HYCC1: variants seen among roughly 807,000 people sequenced by gnomAD.
The protein encoded by HYCC1 is hyccin PI4KA lipid kinase complex subunit 1, also known as hyccin.
chr7:22,958,427 A>G, the HYCC1 span, among the ~76,000 whole-genome samples: 1 of 152,124 alleles, frequency 6.6e-6, no homozygotes, highest in African/African-American at 2.4e-5. Flanking sequence ...TCACTTCTAT[A>G]TTCTCATCTG....
chr7:22,952,755 C>G, the HYCC1 span, among the ~76,000 whole-genome samples: 4 of 151,902 alleles, frequency 2.6e-5, no homozygotes, highest in African/African-American at 9.7e-5. Flanking sequence ...TGTGGCAATG[C>G]TTAACCTGGG....
chr7:22,977,312 TA>T, the HYCC1 span: 1 of 1,368,966 alleles, frequency 7.3e-7, no homozygotes, highest in Non-Finnish European at 1.0e-6. Flanking sequence ...TTAGGGTCAA[TA>T]AACTTACTGT....
At chr7:22,941,906 T>C in the HYCC1 span, 1 of 152,174 alleles carries the variant, frequency 6.6e-6, no homozygotes, top group African/African-American at 2.4e-5. Context: ...CTATCTACAA[T>C]GCTTAAAGTA....
chr7:22,977,465 C>G, the HYCC1 span: 1 of 1,135,758 alleles, frequency 8.8e-7, no homozygotes, highest in South Asian at 1.3e-5. Context: ...TACTTTCTTA[C>G]ACACAAATTT....
At chr7:22,900,512 G>A in the HYCC1 span, among the ~76,000 whole-genome samples, 1 of 152,192 alleles carries the variant, frequency 6.6e-6, no homozygotes, top group Non-Finnish European at 1.5e-5. Flanking sequence ...ACAGATATCT[G>A]CTAGGTAAGC....
the HYCC1 span, among the ~76,000 whole-genome samples, chr7:22,922,925 G>A: frequency 2.0e-5 from 3 of 152,226 alleles, no homozygotes; most frequent in Non-Finnish European, 4.4e-5. Flanking sequence ...AGTAAAAAAT[G>A]AGAATTGAAA....
chr7:22,946,249 T>A, the HYCC1 span: 3 of 1,036,372 alleles, frequency 2.9e-6, no homozygotes, highest in Non-Finnish European at 2.9e-6. Flanking sequence ...AGTTATGCTT[T>A]ACATAAATTA....
the HYCC1 span, among the ~76,000 whole-genome samples, chr7:22,992,680 G>A: frequency 1.3e-5 from 2 of 151,860 alleles, no homozygotes; most frequent in African/African-American, 2.4e-5. Context: ...ATGTTGTTAT[G>A]TATATTTGTA....
the HYCC1 span, among the ~76,000 whole-genome samples, chr7:22,967,887 T>C: frequency 4.6e-5 from 7 of 152,266 alleles, no homozygotes; most frequent in South Asian, 8.3e-4. Context: ...ATATGTTGAT[T>C]TTTAGGTACC....
chr7:22,975,474 T>C, the HYCC1 span, among the ~76,000 whole-genome samples: 2 of 152,218 alleles, frequency 1.3e-5, no homozygotes, highest in African/African-American at 4.8e-5. Context: ...TGGCTCAATT[T>C]ATTTTTAACA....
At chr7:22,945,269 CAT>C in the HYCC1 span, 2 of 393,116 alleles carry the variant, frequency 5.1e-6, no homozygotes, top group South Asian at 5.2e-5. Flanking sequence ...TACAACCTCA[CAT>C]GAGACATAAC....
At chr7:22,924,645 G>A in the HYCC1 span, among the ~76,000 whole-genome samples, 16 of 152,338 alleles carry the variant, frequency 1.1e-4, no homozygotes, top group African/African-American at 2.2e-4. Flanking sequence ...AGGGGCACCC[G>A]CCATTGCTCA....
At chr7:22,974,864 A>G in the HYCC1 span, among the ~76,000 whole-genome samples, 3 of 152,174 alleles carry the variant, frequency 2.0e-5, no homozygotes, top group Non-Finnish European at 4.4e-5. Context: ...ACAATAGTGA[A>G]TAAGTCTCAT....
chr7:23,008,115 C>T, the HYCC1 span, among the ~76,000 whole-genome samples: 1 of 152,154 alleles, frequency 6.6e-6, no homozygotes, highest in Middle Eastern at 3.4e-3. Flanking sequence ...AAGACAAAAT[C>T]ATTCACGCGC....
At chr7:23,005,388 T>C in the HYCC1 span, among the ~76,000 whole-genome samples, 1 of 152,194 alleles carries the variant, frequency 6.6e-6, no homozygotes, top group Non-Finnish European at 1.5e-5. Flanking sequence ...AGGTACTCAA[T>C]GAATGATACC....
chr7:22,984,556 CA>C, the HYCC1 span, among the ~76,000 whole-genome samples: 55 of 151,904 alleles, frequency 3.6e-4, no homozygotes, highest in Admixed American at 1.1e-3. Context: ...CTCGTCTCTA[CA>C]AAAAAACAAA....
At chr7:22,931,363 T>C in the HYCC1 span, among the ~76,000 whole-genome samples, 1 of 151,804 alleles carries the variant, frequency 6.6e-6, no homozygotes, top group Non-Finnish European at 1.5e-5. Flanking sequence ...TCCAGAACTG[T>C]GAGAGAATAA....
At chr7:22,904,346 G>T in the HYCC1 span, among the ~76,000 whole-genome samples, 1 of 151,574 alleles carries the variant, frequency 6.6e-6, no homozygotes, top group Non-Finnish European at 1.5e-5. Context: ...CAGGAGAATG[G>T]CATGAATCCA....
chr7:22,903,052 A>G, the HYCC1 span, among the ~76,000 whole-genome samples: 2 of 152,200 alleles, frequency 1.3e-5, no homozygotes, highest in East Asian at 3.8e-4. Flanking sequence ...AGCTAGAATA[A>G]AAAAGGCAGT....
Sources: allele counts gnomAD v4.1 joint callset (sites outside exome capture counted in the v4.1 genomes callset), GRCh38; gene constraint gnomAD v4.1.1; transcripts MANE v1.5; gene names NCBI Gene and HGNC (gene_info 2026-07-23, HGNC 2026-07-21).